SEC24D: variants seen among roughly 807,000 people sequenced by gnomAD.
SEC24D encodes the protein SEC24 homolog D, COPII component, also known as protein transport protein Sec24D.
A neutral mutation model predicts 116.9 loss-of-function variants in SEC24D; 69 were observed. That is an observed-to-expected ratio of 0.59 (90% CI 0.49 to 0.72). The LOEUF (loss-of-function observed/expected upper bound fraction) is 0.72. SEC24D is among the 30% of genes least tolerant of loss of function. SEC24D has a pLI of 0.00. For missense variants in SEC24D, 1,131 were observed against 1,264.1 expected, an observed-to-expected ratio of 0.89 and a Z score of 1.60; for synonymous variants, 405 against 442.8, an observed-to-expected ratio of 0.91 and a Z score of 1.07.
At chr4:118,742,966 T>A (rs1207782164) in intron 15 of SEC24D, among the ~76,000 whole-genome samples, 2 of 151,800 alleles carry the variant, frequency 1.3e-5, no homozygotes, top group Non-Finnish European at 1.5e-5. Flanking sequence ...GGCACAGGGG[T>A]CCACAGGAGA....
At chr4:118,807,899 C>T (rs571195936) in intron 6 of SEC24D, among the ~76,000 whole-genome samples, 10 of 152,244 alleles carry the variant, frequency 6.6e-5, no homozygotes, top group African/African-American at 2.4e-4. Context: ...GCAGAGAAAT[C>T]GAAACACTGT....
chr4:118,777,318 A>C (rs1306074513), intron 8 of SEC24D, among the ~76,000 whole-genome samples: 5 of 152,118 alleles, frequency 3.3e-5, no homozygotes, highest in Admixed American at 3.3e-4. Context: ...CCCTGTGTCC[A>C]AGTGTTCTCA....
intron 10 of SEC24D, among the ~76,000 whole-genome samples, chr4:118,760,842 G>A (rs1437919146): frequency 1.3e-5 from 2 of 151,654 alleles, no homozygotes; most frequent in Non-Finnish European, 2.9e-5. Context: ...CAAGTAGCTG[G>A]GATTACAGGT....
intron 8 of SEC24D, among the ~76,000 whole-genome samples, chr4:118,774,562 C>A (rs530485616): frequency 6.6e-6 from 1 of 152,146 alleles, no homozygotes; most frequent in South Asian, 2.1e-4. Context: ...AGCTTGAATT[C>A]TGATTTATTC....
intron 8 of SEC24D, among the ~76,000 whole-genome samples, chr4:118,793,604 C>A (rs1306109929): frequency 6.6e-6 from 1 of 152,098 alleles, no homozygotes; most frequent in South Asian, 2.1e-4. Flanking sequence ...CAGCTACATG[C>A]CCAAAAAGGA....
In SEC24D at chr4:118,741,019, G is replaced by C. The variant is rs770878253; in HGVS notation, c.2014C>G (p.Gln672Glu). ...NNFQMHLDRQ[Q>E]FLNDLRNDIE... ...TCATTTCTGAGGTCGTTCAAAAATT[G>C]TTGTCTATCCAAGTGCATCTAAAAA... Residue 672 changes from glutamine (Q) to glutamate (E), a missense_variant, in exon 16 of 23, where the codon CAA (glutamine) becomes GAA (glutamate). Gln to Glu is a conservative substitution (Grantham distance 29). Transcript: ENST00000280551. 1 of 1,580,426 alleles carries C rather than the reference G, an allele frequency of 6.3e-7. No homozygotes were observed. The highest frequency in any genetic ancestry group is 1.1e-5 in the South Asian group (1 of 87,356).
Position 118,744,163 on chromosome 4 carries a change from A to G in SEC24D, c.1825-5T>C. ...TGTTTGGGGCTGGAAAAGTATCTGG[A>G]AAAAAGATGCAAAAAAAAAGAAAAA... On this transcript the variant is annotated splice_region_variant and splice_polypyrimidine_tract_variant and intron_variant, in intron 14 of 22. Transcript: ENST00000280551. 6.5e-7 allele frequency: 1 copy of G among 1,529,332 alleles called. No homozygotes were observed. Among genetic ancestry groups the G allele is most frequent in the Non-Finnish European group, 8.8e-7 (1 of 1,136,858 alleles). 94.7% of individuals were successfully genotyped at this position (1,529,332 alleles called of 1,614,324 possible). A position where few individuals can be genotyped will look rare whatever the true frequency, so the allele number is the denominator to read the frequency against.
Position 118,722,922 on chromosome 4 carries a change from A to G in SEC24D, c.*593T>C, listed in dbSNP as rs1197670102. On this transcript the variant is annotated 3_prime_UTR_variant, in exon 23 of 23. Transcript: ENST00000280551. ...AAAGAACCATTAAGCATATTGATAAAGACAGTTTTACAGACAAAACAACTG... is the reference window on the plus strand; with the variant it reads ...AAAGAACCATTAAGCATATTGATAAGGACAGTTTTACAGACAAAACAACTG... 3 of 152,636 alleles carry G rather than the reference A, an allele frequency of 2.0e-5. No homozygotes were observed. The highest frequency in any genetic ancestry group is 7.2e-5 in the African/African-American group (3 of 41,452). 9.5% of individuals were successfully genotyped at this position (152,636 alleles called of 1,614,324 possible).
chr4:118,730,097 G>C (rs1302854421), intron 21 of SEC24D: 2 of 152,234 alleles, frequency 1.3e-5, no homozygotes, highest in African/African-American at 4.8e-5. Flanking sequence ...CCTTGTGGTA[G>C]AGACACTGGC....
At chr4:118,826,381 A>C (rs1730592665) in intron 2 of SEC24D, among the ~76,000 whole-genome samples, 1 of 152,208 alleles carries the variant, frequency 6.6e-6, no homozygotes, top group Non-Finnish European at 1.5e-5. Flanking sequence ...GAACCAATGG[A>C]TATGACGGTT....
Position 118,731,359 on chromosome 4 carries a change from C to G in SEC24D, c.2825G>C (p.Gly942Ala), listed in dbSNP as rs756299374. 3.1e-6 allele frequency: 5 copies of G among 1,614,038 alleles called. No homozygotes were observed. The South Asian group carries it at 5.5e-5, about 18-fold the overall frequency. Residue 942 changes from glycine to alanine, a missense_variant, in exon 21 of 23, where the codon GGA becomes GCA. Physicochemically the swap from Gly to Ala is moderately conservative, Grantham distance 60 (BLOSUM62 0). Transcript: ENST00000280551. The part of the protein sequence containing the change: ...GVSSPPELIQ[G>A]IFNVPSFAHI... ...TGCAAAAGATGGCACATTAAATATTCCTTGGATCAGTTCTGGTGGGCTGCT... is the reference window on the plus strand; with the variant it reads ...TGCAAAAGATGGCACATTAAATATTGCTTGGATCAGTTCTGGTGGGCTGCT...
At chr4:118,835,376 G>C (rs1731048814) in intron 1 of SEC24D, among the ~76,000 whole-genome samples, 1 of 152,146 alleles carries the variant, frequency 6.6e-6, no homozygotes, top group African/African-American at 2.4e-5. Flanking sequence ...CGACACGGCA[G>C]AAAGCCACTT....
At chr4:118,752,566 T>TA (rs1292483214) in intron 12 of SEC24D, 131 bp downstream of exon 12, 3 of 621,426 alleles carry the variant, frequency 4.8e-6, no homozygotes, top group Non-Finnish European at 8.0e-6. Context: ...ACATAAATGA[T>TA]AGAGTTTTAT....
chr4:118,733,469 G>A (rs10033943), intron 19 of SEC24D, among the ~76,000 whole-genome samples: 2,312 of 151,856 alleles, frequency 0.015, 58 homozygotes, highest in African/African-American at 0.051. Flanking sequence ...TATCTCTTCC[G>A]TTATGCTTTT....
chr4:118,817,742 T>A (rs902701832), intron 3 of SEC24D, among the ~76,000 whole-genome samples: 3 of 151,806 alleles, frequency 2.0e-5, no homozygotes, highest in African/African-American at 7.3e-5. Flanking sequence ...AGAATGAAAA[T>A]CAAGAAAACA....
intron 21 of SEC24D, chr4:118,730,727 A>T (rs1041838029): frequency 6.6e-6 from 1 of 152,384 alleles, no homozygotes; most frequent in Non-Finnish European, 1.5e-5. Flanking sequence ...ATTTAACATC[A>T]AACTCACAAT....
intron 6 of SEC24D, among the ~76,000 whole-genome samples, chr4:118,811,581 G>A (rs1327998346): frequency 6.6e-6 from 1 of 152,196 alleles, no homozygotes; most frequent in Non-Finnish European, 1.5e-5. Context: ...GGAGAAAAAG[G>A]TTCCCTGAGA....
At chr4:118,823,469 T>C (rs935296738) in intron 3 of SEC24D, among the ~76,000 whole-genome samples, 16 of 152,186 alleles carry the variant, frequency 1.1e-4, no homozygotes, top group African/African-American at 3.9e-4. Context: ...TACAGTCACA[T>C]CTAGGGGGTA....
chr4:118,796,069 T>C (rs1053584832), intron 8 of SEC24D, among the ~76,000 whole-genome samples: 1 of 152,206 alleles, frequency 6.6e-6, no homozygotes, highest in African/African-American at 2.4e-5. Flanking sequence ...GATGGGTTGA[T>C]GGACAGATGA....
Sources: gnomAD v4.1 joint callset for allele counts (sites outside exome capture counted in the v4.1 genomes callset) on GRCh38, gnomAD v4.1.1 for gene constraint, MANE v1.5 for transcripts, NCBI Gene and HGNC (gene_info 2026-07-23, HGNC 2026-07-21) for gene names.